Variants in NREP observed in about 807,000 individuals in gnomAD.
NREP encodes neuronal regeneration-related protein.
In NREP, 5 loss-of-function variants were observed where a neutral mutation model predicts 8.6. That is an observed-to-expected ratio of 0.58 (90% confidence interval 0.30 to 1.22). The LOEUF is 1.22. Among genes scored for constraint, NREP ranks in the 50% most tolerant of loss-of-function variants. NREP has a pLI of 0.07. For missense variants in NREP, 86 were observed against 82.5 expected, an observed-to-expected ratio of 1.04 and a Z score of -0.17; for synonymous variants, 27 against 28.0, an observed-to-expected ratio of 0.96 and a Z score of 0.11.
At chr5:111,795,450 C>T (rs1751853438) in intron 2 of NREP, among the ~76,000 whole-genome samples, 1 of 152,164 alleles carries the variant, frequency 6.6e-6, no homozygotes. Context: ...AACCACTTCC[C>T]TTAACATCAA....
chr5:111,811,765 T>G (rs1752273987), intron 2 of NREP, among the ~76,000 whole-genome samples: 1 of 152,214 alleles, frequency 6.6e-6, no homozygotes, highest in Non-Finnish European at 1.5e-5. Context: ...AAATTTTGAA[T>G]TATTGAATAA....
intron 2 of NREP, among the ~76,000 whole-genome samples, chr5:111,868,697 C>G (rs1753721067): frequency 6.6e-6 from 1 of 152,182 alleles, no homozygotes; most frequent in South Asian, 2.1e-4. Flanking sequence ...TGCCTGACCC[C>G]TGATGGAACT....
intron 2 of NREP, among the ~76,000 whole-genome samples, chr5:111,894,643 C>A (rs1310825455): frequency 6.6e-6 from 1 of 152,156 alleles, no homozygotes; most frequent in Non-Finnish European, 1.5e-5. Context: ...CCTACTGATT[C>A]AAAGCAACAA....
chr5:111,769,808 T>C (rs929104223), intron 2 of NREP, among the ~76,000 whole-genome samples: 2 of 152,138 alleles, frequency 1.3e-5, no homozygotes, highest in Non-Finnish European at 2.9e-5. Context: ...CTTAATATCA[T>C]GAGAACAACA....
chr5:111,791,383 C>T (rs1751742912), intron 2 of NREP, among the ~76,000 whole-genome samples: 2 of 152,208 alleles, frequency 1.3e-5, no homozygotes, highest in African/African-American at 4.8e-5. Context: ...CATCTTCCCC[C>T]AGTAACCATC....
At chr5:111,897,473 A>T (rs186140501) in intron 2 of NREP, among the ~76,000 whole-genome samples, 8 of 152,278 alleles carry the variant, frequency 5.3e-5, no homozygotes, top group Admixed American at 4.6e-4. Context: ...TGCTCCCTCT[A>T]TATAATATAC....
intron 2 of NREP, among the ~76,000 whole-genome samples, chr5:111,841,685 G>A (rs541419697): frequency 2.0e-5 from 3 of 152,154 alleles, no homozygotes; most frequent in Non-Finnish European, 2.9e-5. Context: ...TTATATGTAG[G>A]GGTTTGTTTA....
chr5:111,735,217 T>A (rs1748990225), intron 3 of NREP: 3 of 434,242 alleles, frequency 6.9e-6, no homozygotes, highest in Non-Finnish European at 1.2e-5. Flanking sequence ...AATGAAAATT[T>A]TTCATTTATG....
rs1438032453 is a variant in NREP, at chr5:111,730,258, C to CAACA, written c.*659_*662dup. The CAACA allele has an allele frequency of 1.3e-5, 2 of 152,468 alleles. No homozygotes were observed. Among genetic ancestry groups the CAACA allele is most frequent in the African/African-American group, 2.4e-5 (1 of 41,388 alleles). 9.4% of individuals were successfully genotyped at this position (152,468 alleles called of 1,614,324 possible). ...AAACAAGTCAATCCAGTCTAGAGAA[C>CAACA]AACATTCAGGGAAACAGAGTACCAA... On this transcript the variant is annotated 3_prime_UTR_variant, in exon 4 of 4. Coordinates refer to ENST00000257435, the MANE Select transcript of NREP (RefSeq NM_004772.4).
chr5:111,867,982 C>G (rs1753705802), intron 2 of NREP, among the ~76,000 whole-genome samples: 1 of 151,990 alleles, frequency 6.6e-6, no homozygotes, highest in Admixed American at 6.6e-5. Context: ...TAAATAGTCA[C>G]TACCCATTTC....
chr5:111,904,847 C>T (rs1754739474), intron 2 of NREP, among the ~76,000 whole-genome samples: 1 of 152,128 alleles, frequency 6.6e-6, no homozygotes, highest in Non-Finnish European at 1.5e-5. Flanking sequence ...TATAACCACA[C>T]CTGAACAGAC....
chr5:111,899,295 C>T (rs548611605), intron 2 of NREP, among the ~76,000 whole-genome samples: 68 of 152,236 alleles, frequency 4.5e-4, no homozygotes, highest in African/African-American at 1.6e-3. Context: ...AGGAGGACTG[C>T]TTGTGGCCAG....
intron 2 of NREP, among the ~76,000 whole-genome samples, chr5:111,868,346 C>A (rs1046118581): frequency 6.6e-6 from 1 of 152,070 alleles, no homozygotes; most frequent in Non-Finnish European, 1.5e-5. Flanking sequence ...AAACTGTTAA[C>A]AGATTTCTTT....
At chr5:111,789,830 G>A (rs1311415782) in intron 2 of NREP, among the ~76,000 whole-genome samples, 2 of 152,010 alleles carry the variant, frequency 1.3e-5, no homozygotes, top group African/African-American at 4.8e-5. Context: ...GAAAAAATAG[G>A]CAAATAACTA....
chr5:111,784,759 A>C (rs1197761887), intron 2 of NREP, among the ~76,000 whole-genome samples: 1 of 152,202 alleles, frequency 6.6e-6, no homozygotes, highest in Admixed American at 6.5e-5. Flanking sequence ...AGAGCACTAT[A>C]GGACTCAGTT....
chr5:111,957,641 A>T (rs1368170130), intron 2 of NREP, among the ~76,000 whole-genome samples: 1 of 151,878 alleles, frequency 6.6e-6, no homozygotes, highest in Non-Finnish European at 1.5e-5. Context: ...TATGAACATG[A>T]ATGCAAAATT....
At chr5:111,897,781 A>AT (rs1754545915) in intron 2 of NREP, among the ~76,000 whole-genome samples, 1 of 152,118 alleles carries the variant, frequency 6.6e-6, no homozygotes, top group Non-Finnish European at 1.5e-5. Context: ...TACTAACAAA[A>AT]TTTTTTTACT....
chr5:111,941,630 G>A (rs544735661), intron 2 of NREP, among the ~76,000 whole-genome samples: 38 of 152,116 alleles, frequency 2.5e-4, no homozygotes, highest in African/African-American at 8.9e-4. Flanking sequence ...ATAAATTTTG[G>A]GGATGACATA....
At chr5:111,818,038 T>C (rs1752434248) in intron 2 of NREP, among the ~76,000 whole-genome samples, 1 of 152,142 alleles carries the variant, frequency 6.6e-6, no homozygotes, top group Admixed American at 6.5e-5. Context: ...CAAGTTTCAA[T>C]TAATTATTAT....
Sources: allele counts gnomAD v4.1 joint callset (sites outside exome capture counted in the v4.1 genomes callset), GRCh38; gene constraint gnomAD v4.1.1; transcripts MANE v1.5; gene names NCBI Gene and HGNC (gene_info 2026-07-23, HGNC 2026-07-21).